The following NCAPD2 variants were observed in gnomAD, a reference collection of about 807,000 sequenced individuals.
The protein encoded by NCAPD2 is non-SMC condensin I complex subunit D2, also known as condensin complex subunit 1.
In NCAPD2, 100 loss-of-function variants were observed where a neutral mutation model predicts 164.5. The ratio of observed to expected loss-of-function variants is 0.61; its 90% CI spans 0.52 to 0.72. NCAPD2 has a LOEUF of 0.72. NCAPD2 is among the 30% of genes least tolerant of loss of function. The probability of loss-of-function intolerance (pLI) is 0.00; values close to 1 mark genes in which losing one functional copy is unlikely to be tolerated. For synonymous variants in NCAPD2, 585 were observed against 642.6 expected (o/e 0.91, Z 1.36); for missense variants, 1,560 against 1,749.2 (o/e 0.89, Z 1.93).
chr12:6,513,990 C>T (rs954299106), intron 6 of NCAPD2, among the ~76,000 whole-genome samples: 2 of 152,098 alleles, frequency 1.3e-5, no homozygotes, highest in Non-Finnish European at 2.9e-5. Context: ...GCTGGGATTA[C>T]AGGCATGAGC....
At chr12:6,530,580 GGCTTCTTAGTAATGT>G (rs1180839196) in intron 29 of NCAPD2, 96 bp from the exon 30 acceptor site, 1 of 1,373,552 alleles carries the variant, frequency 7.3e-7, no homozygotes, top group Non-Finnish European at 9.9e-7. Flanking sequence ...TTCTCACCTT[GGCTTCTTAGTAATGT>G]GCGTTTAAGG....
At chr12:6,518,531 T>TTTTTTTTTTTTA (rs1298158383) in intron 13 of NCAPD2, among the ~76,000 whole-genome samples, 1 of 137,026 alleles carries the variant, frequency 7.3e-6, no homozygotes, top group Non-Finnish European at 1.5e-5. Flanking sequence ...TTTTTTTTTT[T>TTTTTTTTTTTTA]TTTGAGATGG....
At position 6,514,221 on chromosome 12, in the gene NCAPD2, A is replaced by T. The variant is rs746119385; in HGVS notation, c.588-44A>T. ...TGAGGCAGGGCTCTGATACAATTGG[A>T]TTCAGACAGCTGCTTTCATCATCTC... On this transcript the variant is annotated intron_variant, in intron 6 of 31. Transcript: ENST00000315579. The T allele has an allele frequency of 1.5e-5, 24 of 1,613,126 alleles. 1 individual carries two copies. The South Asian group carries it at 2.5e-4, about 17-fold the overall frequency.
chr12:6,531,130 G>C lies in NCAPD2; in HGVS notation c.4120+54G>C. The C allele has an allele frequency of 1.2e-6, 2 of 1,605,906 alleles. No homozygotes were observed. The highest frequency in any genetic ancestry group is 1.7e-6 in the Non-Finnish European group (2 of 1,176,038). On this transcript the variant is annotated intron_variant, in intron 31 of 31. Transcript: ENST00000315579. The surrounding 1 kb of genome is among the most constrained non-coding windows in gnomAD (Gnocchi z 4.1). ...AGAAGGCACACAGCTAGGGTGCAGAGGGCTGGTTTCCATAGGACCTGCTGC... is the reference window on the plus strand; with the variant it reads ...AGAAGGCACACAGCTAGGGTGCAGACGGCTGGTTTCCATAGGACCTGCTGC...
rs557466912 is a variant in NCAPD2 at position 6,511,340 on chromosome 12, T to G, written c.587+88T>G. On this transcript the variant is annotated intron_variant, in intron 6 of 31. Transcript: ENST00000315579. Reference sequence around the variant, plus strand: ...ATGCCGTTTTTTTGGTTTTGTTTTTTTTTTGTGGGGGGACAGAGCTTCACT... The same window carrying G: ...ATGCCGTTTTTTTGGTTTTGTTTTTGTTTTGTGGGGGGACAGAGCTTCACT... The G allele has an allele frequency of 1.3e-4, 185 of 1,478,956 alleles. 1 individual carries two copies. The highest frequency in any genetic ancestry group is 1.1e-3 in the South Asian group (87 of 75,860). 91.6% of individuals were successfully genotyped at this position (1,478,956 alleles called of 1,614,324 possible).
intron 3 of NCAPD2, 127 bp from the exon 4 acceptor site, chr12:6,509,948 T>C: frequency 7.8e-7 from 1 of 1,288,284 alleles, no homozygotes; most frequent in Non-Finnish European, 1.1e-6. Context: ...CTTGCCACCG[T>C]ATTTATTCAG....
intron 6 of NCAPD2, among the ~76,000 whole-genome samples, chr12:6,513,713 G>GTTTTTTTT (rs1303520172): frequency 2.0e-4 from 10 of 50,122 alleles, no homozygotes; most frequent in African/African-American, 9.9e-4. Context: ...TGGTGACTTT[G>GTTTTTTTT]TCTTTTTTTT....
rs778079253 is a variant in NCAPD2, at chr12:6,522,007, A to G, written c.1924A>G (p.Ser642Gly). Reference sequence around the variant, plus strand: ...GATTACAGAGGCCATTGGCATCATCAGCAAGATGATGTATGAAAACACAAC... The same window carrying G: ...GATTACAGAGGCCATTGGCATCATCGGCAAGATGATGTATGAAAACACAAC... ...RKITEAIGII[S>G]KMMYENTTTV... Residue 642 changes from serine (S) to glycine (G), a missense_variant, in exon 15 of 32, where the codon AGC (serine) becomes GGC (glycine). Physicochemically the swap from Ser to Gly is moderately conservative, Grantham distance 56 (BLOSUM62 0). Coordinates refer to ENST00000315579, the MANE Select transcript of NCAPD2 (RefSeq NM_014865.4). 20 of 1,613,990 alleles carry G rather than the reference A, an allele frequency of 1.2e-5. No individual in the cohort carries two copies.
At chr12:6,504,208 T>TACACATATATAC (rs1421551900) in intron 2 of NCAPD2, among the ~76,000 whole-genome samples, 2 of 22,570 alleles carry the variant, frequency 8.9e-5, no homozygotes, top group African/African-American at 8.4e-4. Flanking sequence ...TATATATATA[T>TACACATATATAC]ATATATATAG....
rs151084493 is a variant in NCAPD2 at position 6,530,118 on chromosome 12, G to T, written c.3837+160G>T. Among the ~76,000 whole-genome samples the T allele has an allele frequency of 9.5e-4, 145 of 152,302 alleles. 1 individual carries two copies. Among genetic ancestry groups the T allele is most frequent in the African/African-American group, 3.3e-3 (137 of 41,560 alleles). ...CAGAGTGACCTAAGACCAGATCTTT[G>T]TCTCCAGTTCTTTTTTTATTACTCC... On this transcript the variant is annotated intron_variant, in intron 29 of 31. Transcript: ENST00000315579.
rs1357995135 is a variant in NCAPD2 at position 6,530,811 on chromosome 12, T to G, written c.3958T>G (p.Ser1320Ala). The G allele has an allele frequency of 5.6e-6, 9 of 1,614,136 alleles. No homozygotes were observed. The highest frequency in any genetic ancestry group is 7.6e-6 in the Non-Finnish European group (9 of 1,180,028). Residue 1320 changes from serine (S) to alanine (A), a missense_variant, in exon 30 of 32, where the codon TCC becomes GCC. Coordinates refer to ENST00000315579, the MANE Select transcript of NCAPD2 (RefSeq NM_014865.4). The part of the protein sequence containing the change: ...SQRAPSAKKP[S>A]TGSRYQPLAS... ...GAGAGCGCCATCAGCCAAGAAACCA[T>G]CCACTGGTACGTAAGGCAGCCTGTG...
At position 6,529,533 on chromosome 12, in the gene NCAPD2, C is replaced by T; in HGVS notation, c.3593C>T (p.Thr1198Ile). The change falls in exon 28 of 32, where the codon ACC becomes ATC. Residue 1198 changes from threonine to isoleucine, a missense_variant. By Grantham distance (89) the Thr-to-Ile change is moderately conservative. Coordinates refer to ENST00000315579, the MANE Select transcript of NCAPD2 (RefSeq NM_014865.4). ...TIMKQLLSYI[T>I]KDKQTESLVE... is the part of the protein sequence containing the mutation. ...TGCAGACAGCTCCTCTCCTACATCA[C>T]CAAGGACAAGCAGACAGAGAGCCTG... The T allele has an allele frequency of 6.2e-7, 1 of 1,614,116 alleles. No individual in the cohort carries two copies. Among genetic ancestry groups the T allele is most frequent in the Non-Finnish European group, 8.5e-7 (1 of 1,179,992 alleles).
chr12:6,523,018 T>C lies in NCAPD2; in HGVS notation c.2129+16T>C, dbSNP rs1946278919. On this transcript the variant is annotated intron_variant, in intron 16 of 31. Transcript: ENST00000315579. Reference sequence around the variant, plus strand: ...ACTCTGCCAGGTATATGGGGTGCTTTTGCCTTTGCTGACTTTTCCAAGGTC... The same window carrying C: ...ACTCTGCCAGGTATATGGGGTGCTTCTGCCTTTGCTGACTTTTCCAAGGTC... The C allele has an allele frequency of 6.2e-7, 1 of 1,612,688 alleles. No homozygotes were observed. The highest frequency in any genetic ancestry group is 1.7e-5 in the Admixed American group (1 of 59,630).
At chr12:6,514,434 C>T in intron 7 of NCAPD2, 30 bp from the exon 8 acceptor site, 1 of 1,614,104 alleles carries the variant, frequency 6.2e-7, no homozygotes. Context: ...TTGTATTGCC[C>T]ATAATTTCTC....
intron 6 of NCAPD2, among the ~76,000 whole-genome samples, chr12:6,512,670 C>G (rs1946162537): frequency 6.6e-6 from 1 of 152,128 alleles, no homozygotes; most frequent in South Asian, 2.1e-4. Flanking sequence ...GGTGAGGTGA[C>G]CTGACTTGTA....
At chr12:6,502,827 C>T (rs1350981368) in intron 2 of NCAPD2, among the ~76,000 whole-genome samples, 2 of 120,378 alleles carry the variant, frequency 1.7e-5, no homozygotes, top group African/African-American at 7.2e-5. Flanking sequence ...AAATTGTTTA[C>T]AAAGGTGTTT....
rs1417711545 is a variant in NCAPD2, at chr12:6,514,883, C to G, written c.950C>G (p.Ser317Cys). ...LAERVPAILM[S>C]SMCILLDHLD... Reference sequence around the variant, plus strand: ...GAACGTGTCCCAGCTATCCTGATGTCCAGCATGTGCATTTTGCTAGATCAC... The same window carrying G: ...GAACGTGTCCCAGCTATCCTGATGTGCAGCATGTGCATTTTGCTAGATCAC... Residue 317 changes from serine (S) to cysteine (C), a missense_variant, in exon 9 of 32, where the codon TCC (serine) becomes TGC (cysteine). Physicochemically the swap from Ser to Cys is moderately radical, Grantham distance 112. Coordinates refer to ENST00000315579, the MANE Select transcript of NCAPD2 (RefSeq NM_014865.4). The G allele has an allele frequency of 1.9e-6, 3 of 1,614,190 alleles. No individual in the cohort carries two copies. Among genetic ancestry groups the G allele is most frequent in the African/African-American group, 1.3e-5 (1 of 75,036 alleles).
In NCAPD2 at chr12:6,495,213, C is replaced by G; in HGVS notation, c.115C>G (p.Pro39Ala). 1.2e-6 allele frequency: 2 copies of G among 1,614,126 alleles called. No individual in the cohort carries two copies. The highest frequency in any genetic ancestry group is 1.7e-6 in the Non-Finnish European group (2 of 1,180,004). ...QEVLSIKHLP[P>A]QLRAFQAAFR... is the part of the protein sequence containing the mutation. ...GGTACTGTCCATCAAACATCTTCCA[C>G]CACAGCTTAGAGGTAAGAGTCCATA... The change falls in exon 2 of 32, where the codon CCA becomes GCA. Residue 39 changes from proline (P) to alanine (A), a missense_variant. Pro to Ala is a conservative substitution (Grantham distance 27). Transcript: ENST00000315579.
chr12:6,527,945 A>G, intron 23 of NCAPD2, 23 bp from the exon 24 acceptor site: 4 of 1,614,196 alleles, frequency 2.5e-6, no homozygotes, highest in Non-Finnish European at 3.4e-6. Flanking sequence ...CCTGTCCCAA[A>G]CCTGCAGTTA....
Sources: gnomAD v4.1 joint callset for allele counts (sites outside exome capture counted in the v4.1 genomes callset) on GRCh38, gnomAD v4.1.1 for gene constraint, Gnocchi (gnomAD v3.1) non-coding constraint, MANE v1.5 for transcripts, NCBI Gene and HGNC (gene_info 2026-07-23, HGNC 2026-07-21) for gene names.